TRPM5: variants seen among roughly 807,000 people sequenced by gnomAD.
TRPM5 encodes the protein transient receptor potential cation channel subfamily M member 5, also known as MLSN1 and TRP-related.
A neutral mutation model predicts 124.9 loss-of-function variants in TRPM5; 121 were observed. That is an observed-to-expected ratio of 0.97 (90% CI 0.84 to 1.13). The LOEUF (loss-of-function observed/expected upper bound fraction) is 1.13. Among genes scored for constraint, TRPM5 ranks in the 50% most tolerant of loss-of-function variants. The pLI is 0.00. For missense variants in TRPM5, 1,643 were observed against 1,589.1 expected (o/e 1.03, Z -0.58); for synonymous variants, 781 against 700.5 (o/e 1.11, Z -1.81).
rs1845769254 is a variant in TRPM5 at position 2,421,284 on chromosome 11, A to G, written c.299-86T>C. 6.3e-6 allele frequency: 9 copies of G among 1,426,816 alleles called. No individual in the cohort carries two copies. In the Admixed American group the frequency reaches 2.6e-4, roughly 42 times the overall value. 88.4% of individuals were successfully genotyped at this position (1,426,816 alleles called of 1,614,324 possible). A position where few individuals can be genotyped will look rare whatever the true frequency, so the allele number is the denominator to read the frequency against. ...CACGCCCTAACCCCTAGGCCCAATC[A>G]GCAGCCAGTTACCTGGGAGCCAGGG... On this transcript the variant is annotated intron_variant, in intron 2 of 23. Coordinates refer to ENST00000155858, the Ensembl canonical transcript of TRPM5.
At chr11:2,430,650 A>G in the TRPM5 span, among the ~76,000 whole-genome samples, 2 of 139,832 alleles carry the variant, frequency 1.4e-5, no homozygotes, top group Non-Finnish European at 3.1e-5. Flanking sequence ...GGTGGCAGTG[A>G]TGGTGACAGT....
intron 15 of TRPM5, 39 bp from the exon 21 acceptor site, chr11:2,412,292 C>A: frequency 6.6e-7 from 1 of 1,511,614 alleles, no homozygotes; most frequent in African/African-American, 1.4e-5. Context: ...AGCTGTCCAG[C>A]CGCCCTCGCT....
chr11:2,419,746 T>A (rs1004859900), intron 4 of TRPM5, among the ~76,000 whole-genome samples: 6 of 152,268 alleles, frequency 3.9e-5, no homozygotes, highest in African/African-American at 7.2e-5. Context: ...ATGAATATTA[T>A]TTACACACTA....
chr11:2,407,248 G>A (rs753704388), exon 20 of TRPM5: 17 of 1,612,242 alleles, frequency 1.1e-5, no homozygotes, highest in Non-Finnish European at 1.4e-5. Context: ...AGGTTGTAGC[G>A]CTGGAACTTC....
At chr11:2,414,616 G>A (rs1356179671) in intron 11 of TRPM5, 99 bp downstream of exon 16, 9 of 1,413,218 alleles carry the variant, frequency 6.4e-6, no homozygotes, top group African/African-American at 1.4e-5. Context: ...GCCCCACGGC[G>A]GTAACAGGCA....
chr11:2,432,894 A>G, the TRPM5 span, among the ~76,000 whole-genome samples: 30,825 of 152,178 alleles, frequency 0.2, 4,193 homozygotes, highest in African/African-American at 0.37. Flanking sequence ...CTCGGGGGGC[A>G]GCCCGAAGCC....
intron 22 of TRPM5, 152 bp from the exon 28 acceptor site, chr11:2,405,745 G>A: frequency 1.1e-6 from 1 of 877,284 alleles, no homozygotes; most frequent in Non-Finnish European, 1.8e-6. Flanking sequence ...GGGTGAGTGA[G>A]GCTCCCGTGA....
chr11:2,422,592 A>C (rs1436160877), intron 1 of TRPM5, among the ~76,000 whole-genome samples: 1 of 151,694 alleles, frequency 6.6e-6, no homozygotes, highest in Non-Finnish European at 1.5e-5. Flanking sequence ...TGACCTGGGC[A>C]GTCCTGACCC....
chr11:2,415,876 G>T lies in TRPM5; in HGVS notation c.1128+30C>A, dbSNP rs372136431. The stretch of plus-strand genomic sequence containing the variant: ...GGGCAGCTCGGGCAGTGCCATGATG[G>T]GGAGGTGGGTAGGCAGGGCTGGGAG... On this transcript the variant is annotated intron_variant, in intron 8 of 23. Coordinates refer to ENST00000155858, the Ensembl canonical transcript of TRPM5. 3,865 of 1,483,222 alleles carry T rather than the reference G, an allele frequency of 2.6e-3. 18 individuals are homozygous for T. The highest frequency in any genetic ancestry group is 6.6e-3 in the South Asian group (550 of 82,982). The allele number at this position is 1,483,222 out of a possible 1,614,324, so 91.9% of individuals were successfully genotyped here. A position where few individuals can be genotyped will look rare whatever the true frequency, so the allele number is the denominator to read the frequency against.
the TRPM5 span, among the ~76,000 whole-genome samples, chr11:2,444,431 C>T: frequency 1.3e-5 from 2 of 151,596 alleles, no homozygotes; most frequent in Non-Finnish European, 2.9e-5. Flanking sequence ...CAGGCCTTAC[C>T]CCTTCCTCCC....
chr11:2,404,845 G>T lies in TRPM5; in HGVS notation c.*92C>A, dbSNP rs973950028. On this transcript the variant is annotated 3_prime_UTR_variant, in exon 24 of 24. Transcript: ENST00000155858. ...CTGCTGGGGGGCTGGTGCCCCCTGG[G>T]GGGTTCCGCTGGAGGTCGGCAAAGG... The T allele has an allele frequency of 1.9e-5, 21 of 1,085,190 alleles. No individual in the cohort carries two copies. The African/African-American group carries it at 3.1e-4, about 16-fold the overall frequency. The allele number at this position is 1,085,190 out of a possible 1,614,324, so 67.2% of individuals were successfully genotyped here.
At chr11:2,416,235 G>A (rs1845674060) in intron 7 of TRPM5, among the ~76,000 whole-genome samples, 2 of 152,232 alleles carry the variant, frequency 1.3e-5, no homozygotes, top group South Asian at 2.1e-4. Flanking sequence ...CCTGGTCTGC[G>A]TCGGGACGGC....
At chr11:2,404,725 C>T in exon 24 of TRPM5, 1 of 557,106 alleles carries the variant, frequency 1.8e-6, no homozygotes, top group South Asian at 2.2e-5. Context: ...GGGAGACAGC[C>T]CCATGACACT....
chr11:2,415,289 C>T (rs755585474), exon 9 of TRPM5: 18 of 1,577,430 alleles, frequency 1.1e-5, no homozygotes, highest in Non-Finnish European at 1.5e-5. Flanking sequence ...GCCGGGCCTC[C>T]TCCTGCTTCC....
rs765155430 is a variant in TRPM5, at chr11:2,411,500, GAA to G, written c.2632_2633del (p.Phe878LeufsTer21). On this transcript the variant is annotated frameshift_variant, in exon 18 of 24. Coordinates refer to ENST00000155858, the Ensembl canonical transcript of TRPM5. LOFTEE classifies it high-confidence loss of function. ...AGGCCACGAGCCACACGCTCAGAAA[GAA>G]GAGGAAGAAGAAGACGTCCTTCATC... 6.2e-7 allele frequency: 1 copy of G among 1,609,470 alleles called. No homozygotes were observed. Among genetic ancestry groups the G allele is most frequent in the Non-Finnish European group, 8.5e-7 (1 of 1,177,706 alleles).
chr11:2,427,719 G>A (rs940770316), upstream of TRPM5, among the ~76,000 whole-genome samples: 36 of 152,370 alleles, frequency 2.4e-4, no homozygotes, highest in African/African-American at 6.5e-4. Context: ...GATGTCTGGC[G>A]GGGTGGCCCG....
intron 22 of TRPM5, 118 bp from the exon 28 acceptor site, chr11:2,405,711 C>G (rs1003043891): frequency 1.8e-6 from 2 of 1,133,456 alleles, no homozygotes; most frequent in Non-Finnish European, 2.6e-6. Context: ...ACTCCTCCCT[C>G]TGAGAGCTGC....
rs1850307791 is a variant in TRPM5, at chr11:2,405,800, C to T, written c.3325-207G>A. 2.0e-5 allele frequency among the ~76,000 whole-genome samples: 3 copies of T among 152,294 alleles called. No individual in the cohort carries two copies. The South Asian group carries it at 6.2e-4, about 32-fold the overall frequency. ...GAGGGGTCTTCAATGTGAGACCCCT[C>T]ATTTAAGGCTGTAGCCTCCCAAGTG... is the stretch of plus-strand genomic sequence containing the variant. On this transcript the variant is annotated intron_variant, in intron 22 of 23. Coordinates refer to ENST00000155858, the Ensembl canonical transcript of TRPM5.
chr11:2,415,790 G>T (rs1247156302), intron 8 of TRPM5, 116 bp downstream of exon 13: 10 of 788,400 alleles, frequency 1.3e-5, no homozygotes, highest in Admixed American at 9.3e-5. Context: ...CCCGGACCTT[G>T]GGACAGCTGG....
Sources: allele counts gnomAD v4.1 joint callset (sites outside exome capture counted in the v4.1 genomes callset), GRCh38; gene constraint gnomAD v4.1.1; transcripts MANE v1.5; gene names NCBI Gene and HGNC (gene_info 2026-07-23, HGNC 2026-07-21).